MRPS6: variants seen among roughly 807,000 people sequenced by gnomAD.
MRPS6 encodes the protein mitochondrial ribosomal protein S6, also known as small ribosomal subunit protein bS6m.
A neutral mutation model predicts 13.1 loss-of-function variants in MRPS6; 6 were observed. The ratio of observed to expected loss-of-function variants is 0.46; its 90% CI spans 0.25 to 0.91. The LOEUF (loss-of-function observed/expected upper bound fraction) is 0.91. Among genes scored for constraint, MRPS6 ranks in the 40% least tolerant of loss-of-function variants. The pLI is 0.18. For missense variants in MRPS6, 164 were observed against 155.6 expected, an observed-to-expected ratio of 1.05 and a Z score of -0.29; for synonymous variants, 61 against 56.5, an observed-to-expected ratio of 1.08 and a Z score of -0.36.
At chr21:34,100,772 T>C in intron 1 of MRPS6, 1 of 1,000,232 alleles carries the variant, frequency 1.0e-6, no homozygotes, top group Non-Finnish European at 1.2e-6. Flanking sequence ...GCTCATTTTC[T>C]TTATAGTAGG....
At chr21:34,081,134 ATAAC>A (rs753659812) in intron 1 of MRPS6, among the ~76,000 whole-genome samples, 5 of 152,158 alleles carry the variant, frequency 3.3e-5, no homozygotes, top group South Asian at 2.1e-4. Flanking sequence ...GGGAAGAAAA[ATAAC>A]TAGGAGGATT....
intron 2 of MRPS6, among the ~76,000 whole-genome samples, chr21:34,134,632 C>T (rs999870294): frequency 2.6e-5 from 4 of 152,210 alleles, no homozygotes; most frequent in African/African-American, 9.7e-5. Flanking sequence ...AAAATTTCCT[C>T]CTCCTCCTTC....
rs149965430 is a variant in MRPS6 at position 34,083,680 on chromosome 21, A to G, written c.45+9935A>G. ...TGAAGTATAGTATCTTGAAGCTTTA[A>G]GACACCAAGTTTCCATTAGGCAGCC... On this transcript the variant is annotated intron_variant, in intron 1 of 2. Coordinates refer to ENST00000399312, the MANE Select transcript of MRPS6 (RefSeq NM_032476.4). 3.0e-3 allele frequency among the ~76,000 whole-genome samples: 459 copies of G among 152,312 alleles called. 1 individual carries two copies. Among genetic ancestry groups the G allele is most frequent in the African/African-American group, 0.01 (428 of 41,554 alleles).
intron 1 of MRPS6, chr21:34,094,872 A>G (rs1978895759): frequency 3.8e-6 from 1 of 263,548 alleles, no homozygotes. Context: ...GGGTTGGTAC[A>G]GTAGGCTTCA....
At chr21:34,127,703 T>C (rs1980356607) in intron 2 of MRPS6, among the ~76,000 whole-genome samples, 1 of 152,236 alleles carries the variant, frequency 6.6e-6, no homozygotes, top group Admixed American at 6.5e-5. Context: ...CTTCAGGCAG[T>C]GGCCCCATAA....
At chr21:34,126,267 C>T (rs1229762675) in intron 2 of MRPS6, among the ~76,000 whole-genome samples, 1 of 152,182 alleles carries the variant, frequency 6.6e-6, no homozygotes, top group Admixed American at 6.5e-5. Context: ...GCCACAAGGA[C>T]CCAGCAAGAC....
chr21:34,081,203 G>A (rs1267553215), intron 1 of MRPS6, among the ~76,000 whole-genome samples: 3 of 152,022 alleles, frequency 2.0e-5, no homozygotes, highest in African/African-American at 7.2e-5. Flanking sequence ...TAATGAAGCT[G>A]AAACTGGAAA....
At chr21:34,091,516 A>G (rs1023769774) in intron 1 of MRPS6, among the ~76,000 whole-genome samples, 1 of 152,174 alleles carries the variant, frequency 6.6e-6, no homozygotes, top group Non-Finnish European at 1.5e-5. Context: ...ACATGGTTAT[A>G]TCACCTGAAG....
intron 2 of MRPS6, among the ~76,000 whole-genome samples, chr21:34,134,007 G>A (rs879891749): frequency 1.3e-5 from 2 of 152,208 alleles, no homozygotes; most frequent in African/African-American, 2.4e-5. Context: ...TGCCCACCAG[G>A]TGGCCAAATG....
At chr21:34,109,055 T>G (rs2148664139) in intron 1 of MRPS6, among the ~76,000 whole-genome samples, 1 of 152,304 alleles carries the variant, frequency 6.6e-6, no homozygotes, top group East Asian at 1.9e-4. Flanking sequence ...AACTTTATCT[T>G]CCAACCCTTC....
chr21:34,090,676 C>T (rs554101983), intron 1 of MRPS6, among the ~76,000 whole-genome samples: 86 of 152,166 alleles, frequency 5.7e-4, no homozygotes, highest in Non-Finnish European at 7.2e-4. Flanking sequence ...TGAGCCACCT[C>T]CCCATTGCAC....
At chr21:34,132,757 C>T (rs1001466702) in intron 2 of MRPS6, among the ~76,000 whole-genome samples, 1 of 152,094 alleles carries the variant, frequency 6.6e-6, no homozygotes, top group Non-Finnish European at 1.5e-5. Context: ...GTTTAGGCTG[C>T]GTTGTCTTTA....
At chr21:34,091,715 A>C (rs1978703180) in intron 1 of MRPS6, among the ~76,000 whole-genome samples, 1 of 152,202 alleles carries the variant, frequency 6.6e-6, no homozygotes, top group South Asian at 2.1e-4. Context: ...ACTTTCTGAG[A>C]AGGATGCCTT....
At chr21:34,095,651 G>C in intron 1 of MRPS6, 3 of 1,613,432 alleles carry the variant, frequency 1.9e-6, no homozygotes, top group Non-Finnish European at 2.5e-6. Flanking sequence ...TTTTTATCCA[G>C]GAGTCTTTGG....
chr21:34,087,711 C>T (rs190618361), intron 1 of MRPS6, among the ~76,000 whole-genome samples: 2 of 152,242 alleles, frequency 1.3e-5, no homozygotes, highest in Admixed American at 1.3e-4. Context: ...CTAGTTTGGT[C>T]CATTGTGATG....
chr21:34,103,940 CAT>C, intron 1 of MRPS6: 17 of 1,000,094 alleles, frequency 1.7e-5, no homozygotes, highest in Non-Finnish European at 2.0e-5. Flanking sequence ...GAACAGGTGA[CAT>C]ATTTCTGTTT....
chr21:34,134,443 A>G (rs1200541330), intron 2 of MRPS6, among the ~76,000 whole-genome samples: 2 of 152,216 alleles, frequency 1.3e-5, no homozygotes, highest in Non-Finnish European at 2.9e-5. Context: ...ACATCAGCTC[A>G]TTGACCAAGT....
intron 1 of MRPS6, among the ~76,000 whole-genome samples, chr21:34,076,160 A>G (rs1025802219): frequency 5.3e-5 from 8 of 152,162 alleles, no homozygotes; most frequent in Admixed American, 2.6e-4. Flanking sequence ...AAGTTAAGAA[A>G]CTATAGTTTT....
In MRPS6 at chr21:34,105,012, C is replaced by CT. The variant is rs540790723; in HGVS notation, c.46-20328dup. The CT allele has an allele frequency of 7.8e-4, 781 of 1,000,120 alleles. 3 individuals are homozygous for CT. In the African/African-American group the frequency reaches 0.012, roughly 16 times the overall value. The allele number at this position is 1,000,120 out of a possible 1,614,324, so 62.0% of individuals were successfully genotyped here. A position where few individuals can be genotyped will look rare whatever the true frequency, so the allele number is the denominator to read the frequency against. ...GTTTTCTAATTTCACTGTGAGATCT[C>CT]TAACTTTTGAGTGGCAAACAGATCA... On this transcript the variant is annotated intron_variant, in intron 1 of 2. Coordinates refer to ENST00000399312, the MANE Select transcript of MRPS6 (RefSeq NM_032476.4).
Sources: gnomAD v4.1 joint callset for allele counts (sites outside exome capture counted in the v4.1 genomes callset) on GRCh38, gnomAD v4.1.1 for gene constraint, MANE v1.5 for transcripts, NCBI Gene and HGNC (gene_info 2026-07-23, HGNC 2026-07-21) for gene names.